Variants in NDUFAF1 observed in about 807,000 individuals in gnomAD.
The protein encoded by NDUFAF1 is complex I intermediate-associated protein 30, mitochondrial.
NDUFAF1 carries 18 observed loss-of-function variants against 28.7 expected under a neutral mutation model. The observed-to-expected ratio is 0.63, with a 90% CI of 0.43 to 0.93. The LOEUF (loss-of-function observed/expected upper bound fraction) is 0.93, where lower values mean the gene tolerates loss of function less well. Among genes scored for constraint, NDUFAF1 ranks in the 40% least tolerant of loss-of-function variants. The pLI is 0.00. For synonymous variants in NDUFAF1, 113 were observed against 139.7 expected, an observed-to-expected ratio of 0.81 and a Z score of 1.35; for missense variants, 404 against 398.3, an observed-to-expected ratio of 1.01 and a Z score of -0.12.
At chr15:41,387,778 C>T (rs2050269946) in intron 4 of NDUFAF1, among the ~76,000 whole-genome samples, 185 bp from the exon 5 acceptor site, 1 of 152,136 alleles carries the variant, frequency 6.6e-6, no homozygotes, top group South Asian at 2.1e-4. Flanking sequence ...TTTCTTTCCT[C>T]ATTCAACTTC....
At chr15:41,396,037 G>A (rs546780942) in intron 2 of NDUFAF1, among the ~76,000 whole-genome samples, 15 of 151,086 alleles carry the variant, frequency 9.9e-5, no homozygotes, top group East Asian at 5.9e-4. Flanking sequence ...GCAGTGAGCC[G>A]AGATCACGCC....
At chr15:41,393,305 T>G (rs2050338441) in intron 3 of NDUFAF1, among the ~76,000 whole-genome samples, 1 of 145,170 alleles carries the variant, frequency 6.9e-6, no homozygotes, top group Non-Finnish European at 1.5e-5. Flanking sequence ...TTTTTTTTTT[T>G]TTTTTTTTTT....
rs1236019194 is a variant in NDUFAF1 at position 41,400,488 on chromosome 15, T to C, written c.-82+1656A>G. 3.3e-5 allele frequency among the ~76,000 whole-genome samples: 5 copies of C among 150,976 alleles called. No homozygotes were observed. In the East Asian group the frequency reaches 9.9e-4, roughly 30 times the overall value. ...TCTGGAGTACCTGGGATTACAGGCG[T>C]GAGCCACTGCACCTGATGAATACCA... On this transcript the variant is annotated intron_variant, in intron 1 of 4. Coordinates refer to ENST00000260361, the MANE Select transcript of NDUFAF1 (RefSeq NM_016013.4).
chr15:41,388,102 T>G (rs2050273671), intron 4 of NDUFAF1, among the ~76,000 whole-genome samples: 1 of 151,986 alleles, frequency 6.6e-6, no homozygotes, highest in African/African-American at 2.4e-5. Context: ...AAAGCAAGAC[T>G]CCATGTCAAA....
At chr15:41,388,668 G>C in intron 3 of NDUFAF1, 146 bp from the exon 4 acceptor site, 2 of 637,518 alleles carry the variant, frequency 3.1e-6, no homozygotes, top group Non-Finnish European at 5.6e-6. Flanking sequence ...TTGGATCAAA[G>C]ATATAACTCA....
In NDUFAF1 at chr15:41,396,811, A is replaced by T. The variant is rs146540015; in HGVS notation, c.249T>A (p.Asp83Glu). Residue 83 changes from aspartate (D) to glutamate (E), a missense_variant, in exon 2 of 5, where the codon GAT (aspartate) becomes GAA (glutamate). By Grantham distance (45) the Asp-to-Glu change is conservative. Coordinates refer to ENST00000260361, the MANE Select transcript of NDUFAF1 (RefSeq NM_016013.4). Reference sequence around the variant, plus strand: ...ATATTGCTTCATCTCTAATTGCTTTATCGAAACTAACATCAGGCTTCTCCT... The same window carrying T: ...ATATTGCTTCATCTCTAATTGCTTTTTCGAAACTAACATCAGGCTTCTCCT... The part of the protein sequence containing the change: ...SSEEKPDVSF[D>E]KAIRDEAIYH... The T allele has an allele frequency of 3.8e-4, 614 of 1,614,080 alleles. 1 individual carries two copies. The highest frequency in any genetic ancestry group is 4.7e-4 in the Non-Finnish European group (558 of 1,180,052).
At chr15:41,396,020 G>A (rs571231694) in intron 2 of NDUFAF1, among the ~76,000 whole-genome samples, 346 of 151,594 alleles carry the variant, frequency 2.3e-3, no homozygotes, top group Non-Finnish European at 3.7e-3. Context: ...CCTGGAGGGC[G>A]GAAGTTGCAG....
Position 41,387,375 on chromosome 15 carries a change from T to C in NDUFAF1, c.*69A>G, listed in dbSNP as rs2050264238. ...TGGTTGGATGCCATTAAAGAAATATTTTATTTTGTCTATATCATTGTAGAT... is the reference window on the plus strand; with the variant it reads ...TGGTTGGATGCCATTAAAGAAATATCTTATTTTGTCTATATCATTGTAGAT... On this transcript the variant is annotated 3_prime_UTR_variant, in exon 5 of 5. Coordinates refer to ENST00000260361, the MANE Select transcript of NDUFAF1 (RefSeq NM_016013.4). The C allele has an allele frequency of 1.4e-6, 2 of 1,472,084 alleles. No individual in the cohort carries two copies. The highest frequency in any genetic ancestry group is 1.9e-6 in the Non-Finnish European group (2 of 1,054,948). 91.2% of individuals were successfully genotyped at this position (1,472,084 alleles called of 1,614,324 possible).
chr15:41,390,714 G>T (rs2050306473), intron 3 of NDUFAF1, among the ~76,000 whole-genome samples: 1 of 144,960 alleles, frequency 6.9e-6, no homozygotes, highest in Non-Finnish European at 1.5e-5. Context: ...AACAGAGCCA[G>T]ACTCTGTCTC....
chr15:41,388,299 G>T, intron 4 of NDUFAF1, 149 bp downstream of exon 4: 1 of 660,146 alleles, frequency 1.5e-6, no homozygotes, highest in Non-Finnish European at 2.7e-6. Context: ...CATAGGAGAG[G>T]TCTAAGTCAG....
Position 41,402,127 on chromosome 15 carries a change from A to G in NDUFAF1, c.-82+17T>C. 2.3e-6 allele frequency: 1 copy of G among 441,652 alleles called. No individual in the cohort carries two copies. The highest frequency in any genetic ancestry group is 1.6e-5 in the South Asian group (1 of 64,072). 27.4% of individuals were successfully genotyped at this position (441,652 alleles called of 1,614,324 possible). ...AGCTAGAAGTGAGTAGAATTAGTAA[A>G]GCTATCCATGCCTTACCATGTGCCA... is the stretch of plus-strand genomic sequence containing the variant. On this transcript the variant is annotated intron_variant, in intron 1 of 4. Coordinates refer to ENST00000260361, the MANE Select transcript of NDUFAF1 (RefSeq NM_016013.4).
chr15:41,390,093 A>C (rs562141171), intron 3 of NDUFAF1, among the ~76,000 whole-genome samples: 2 of 152,156 alleles, frequency 1.3e-5, no homozygotes, highest in African/African-American at 4.8e-5. Flanking sequence ...CCTCCTGAGT[A>C]GGTGGGACTA....
intron 3 of NDUFAF1, among the ~76,000 whole-genome samples, chr15:41,391,079 T>C (rs925919360): frequency 6.6e-6 from 1 of 152,034 alleles, no homozygotes; most frequent in African/African-American, 2.4e-5. Flanking sequence ...CACTGGATAG[T>C]GGTAGTACAA....
chr15:41,393,565 C>T (rs1340687615), intron 3 of NDUFAF1, among the ~76,000 whole-genome samples: 1 of 151,308 alleles, frequency 6.6e-6, no homozygotes, highest in African/African-American at 2.4e-5. Context: ...GCTGGGATTA[C>T]AGGCGTAAGC....
chr15:41,394,152 C>T, intron 3 of NDUFAF1: 1 of 438,900 alleles, frequency 2.3e-6, no homozygotes, highest in South Asian at 1.6e-5. Context: ...CCTTAGCCTC[C>T]CGAGTAGCTG....
chr15:41,394,450 G>C (rs766096685), intron 3 of NDUFAF1: 2 of 1,069,618 alleles, frequency 1.9e-6, no homozygotes, highest in African/African-American at 1.6e-5. Context: ...ACTTAGCATG[G>C]ACCTGGCCAC....
At chr15:41,393,515 C>T (rs1035332981) in intron 3 of NDUFAF1, among the ~76,000 whole-genome samples, 6 of 151,768 alleles carry the variant, frequency 4.0e-5, no homozygotes, top group African/African-American at 1.5e-4. Flanking sequence ...TCTCCATCAT[C>T]TCCTGACCTC....
intron 3 of NDUFAF1, among the ~76,000 whole-genome samples, chr15:41,389,903 A>T (rs2050296871): frequency 6.6e-6 from 1 of 152,204 alleles, no homozygotes; most frequent in Non-Finnish European, 1.5e-5. Flanking sequence ...TTCCGACAGT[A>T]GAAAACTCTG....
intron 1 of NDUFAF1, among the ~76,000 whole-genome samples, chr15:41,401,267 CTT>C (rs755063294): frequency 4.5e-5 from 5 of 111,216 alleles, no homozygotes; most frequent in Admixed American, 1.0e-4. Context: ...GGCGCCCAAC[CTT>C]TTTTTTTTTT....
Sources: allele counts gnomAD v4.1 joint callset (sites outside exome capture counted in the v4.1 genomes callset), GRCh38; gene constraint gnomAD v4.1.1; transcripts MANE v1.5; gene names NCBI Gene and HGNC (gene_info 2026-07-23, HGNC 2026-07-21).